EYA3: variants seen among roughly 807,000 people sequenced by gnomAD.
EYA3 encodes protein phosphatase EYA3.
EYA3 carries 39 observed loss-of-function variants against 80.0 expected under a neutral mutation model. The observed-to-expected ratio is 0.49, with a 90% CI of 0.38 to 0.64. EYA3 has a LOEUF of 0.64. Ranked by LOEUF, EYA3 falls within the 30% of genes least tolerant of loss-of-function variation. EYA3 has a pLI of 0.00. For synonymous variants in EYA3, 206 were observed against 232.8 expected, an observed-to-expected ratio of 0.88 and a Z score of 1.05; for missense variants, 523 against 676.1, an observed-to-expected ratio of 0.77 and a Z score of 2.51.
At chr1:28,010,539 C>T (rs1641617598) in intron 10 of EYA3, among the ~76,000 whole-genome samples, 1 of 152,014 alleles carries the variant, frequency 6.6e-6, no homozygotes, top group Non-Finnish European at 1.5e-5. Flanking sequence ...TACAGGTGTG[C>T]AGCTAATTCT....
intron 10 of EYA3, among the ~76,000 whole-genome samples, chr1:28,010,462 C>T (rs1356423766): frequency 6.6e-6 from 1 of 152,152 alleles, no homozygotes; most frequent in Admixed American, 6.5e-5. Flanking sequence ...CCGATCATAG[C>T]TCACTGCAGC....
chr1:28,003,343 C>G (rs1641031389), intron 11 of EYA3, among the ~76,000 whole-genome samples: 1 of 151,982 alleles, frequency 6.6e-6, no homozygotes, highest in Non-Finnish European at 1.5e-5. Context: ...GTAACGGGCA[C>G]CTGTAATCCT....
At chr1:28,050,184 A>T (rs1571897377) in intron 2 of EYA3, among the ~76,000 whole-genome samples, 2 of 132,310 alleles carry the variant, frequency 1.5e-5, no homozygotes, top group Non-Finnish European at 3.3e-5. Context: ...ATTTATTATT[A>T]TTATTATTAT....
At chr1:28,067,564 G>T (rs1644876946) in intron 1 of EYA3, among the ~76,000 whole-genome samples, 1 of 152,014 alleles carries the variant, frequency 6.6e-6, no homozygotes, top group African/African-American at 2.4e-5. Context: ...CAGTTTTGAG[G>T]GAAAAGCATT....
Position 27,972,538 on chromosome 1 carries a change from CTT to C in EYA3, c.*1926_*1927del, listed in dbSNP as rs934656975. 1 of 152,256 alleles carries C rather than the reference CTT, an allele frequency of 6.6e-6. No homozygotes were observed. Among genetic ancestry groups the C allele is most frequent in the Non-Finnish European group, 1.5e-5 (1 of 68,066 alleles). 9.4% of individuals were successfully genotyped at this position (152,256 alleles called of 1,614,324 possible). ...CCTGGCATTGGAAGGAGTCTTGCCT[CTT>C]TGTGCTGCAACATCTCTGGAAATGG... On this transcript the variant is annotated 3_prime_UTR_variant, in exon 18 of 18. Coordinates refer to ENST00000373871, the MANE Select transcript of EYA3 (RefSeq NM_001990.4).
rs1638767204 is a variant in EYA3 at position 27,972,424 on chromosome 1, T to C, written c.*2042A>G. ...CTGACTTCAGCTACTCAGCAAAAAC[T>C]TACTCCTTAAAATCACGAGTTATGA... On this transcript the variant is annotated 3_prime_UTR_variant, in exon 18 of 18. Transcript: ENST00000373871. 6.6e-6 allele frequency: 1 copy of C among 152,194 alleles called. No homozygotes were observed. Among genetic ancestry groups the C allele is most frequent in the Non-Finnish European group, 1.5e-5 (1 of 68,032 alleles). 9.4% of individuals were successfully genotyped at this position (152,194 alleles called of 1,614,324 possible).
At chr1:28,029,022 C>T (rs920741959) in intron 6 of EYA3, among the ~76,000 whole-genome samples, 10 of 152,138 alleles carry the variant, frequency 6.6e-5, no homozygotes, top group African/African-American at 1.9e-4. Context: ...CAGCCAAGGA[C>T]TGTGTTATAC....
At chr1:28,051,136 A>G (rs1477573310) in intron 2 of EYA3, among the ~76,000 whole-genome samples, 1 of 152,186 alleles carries the variant, frequency 6.6e-6, no homozygotes, top group African/African-American at 2.4e-5. Flanking sequence ...GCCAGGAAGT[A>G]AGAAAGCAAT....
chr1:28,043,329 T>TG (rs1299663324), intron 3 of EYA3, among the ~76,000 whole-genome samples: 2 of 82,878 alleles, frequency 2.4e-5, no homozygotes, highest in African/African-American at 5.5e-5. Context: ...TGCTTTTTTG[T>TG]GAAAAAAAAA....
chr1:28,080,570 T>A (rs905074857), intron 1 of EYA3, among the ~76,000 whole-genome samples: 1 of 152,080 alleles, frequency 6.6e-6, no homozygotes, highest in East Asian at 1.9e-4. Flanking sequence ...AATATTAATA[T>A]GTACATATAT....
chr1:28,010,195 A>T (rs751806096), intron 10 of EYA3, among the ~76,000 whole-genome samples: 4 of 152,166 alleles, frequency 2.6e-5, no homozygotes, highest in Non-Finnish European at 5.9e-5. Context: ...AAACAAAAAG[A>T]TAATACAAAA....
At chr1:28,007,758 G>A (rs866388833) in intron 10 of EYA3, among the ~76,000 whole-genome samples, 1 of 151,944 alleles carries the variant, frequency 6.6e-6, no homozygotes, top group Non-Finnish European at 1.5e-5. Flanking sequence ...CTAAATAAAC[G>A]GAAAGACATC....
intron 9 of EYA3, among the ~76,000 whole-genome samples, chr1:28,011,709 A>C (rs1641709822): frequency 2.0e-5 from 3 of 152,332 alleles, no homozygotes; most frequent in South Asian, 4.1e-4. Context: ...TTCAACAAAC[A>C]AACTACAAGG....
At chr1:28,036,400 C>T (rs981797982) in intron 5 of EYA3, among the ~76,000 whole-genome samples, 1 of 152,138 alleles carries the variant, frequency 6.6e-6, no homozygotes, top group Non-Finnish European at 1.5e-5. Flanking sequence ...TCCACCCTGC[C>T]CCTTGAACCA....
chr1:28,049,526 G>C (rs1374315486), intron 2 of EYA3, among the ~76,000 whole-genome samples: 2 of 152,108 alleles, frequency 1.3e-5, no homozygotes, highest in African/African-American at 2.4e-5. Flanking sequence ...AAATCCAAAA[G>C]CCATAAAGGA....
intron 3 of EYA3, among the ~76,000 whole-genome samples, chr1:28,043,330 G>GAAA (rs59720447): frequency 5.6e-5 from 7 of 125,128 alleles, no homozygotes; most frequent in African/African-American, 2.0e-4. Context: ...GCTTTTTTGT[G>GAAA]AAAAAAAAAA....
At chr1:28,020,424 A>G (rs1281265246) in intron 7 of EYA3, among the ~76,000 whole-genome samples, 5 of 152,324 alleles carry the variant, frequency 3.3e-5, no homozygotes, top group East Asian at 3.9e-4. Context: ...ATCAGGGTCA[A>G]CTATGTGCCT....
chr1:28,069,197 A>ACCT (rs1644935453), intron 1 of EYA3, among the ~76,000 whole-genome samples: 1 of 145,412 alleles, frequency 6.9e-6, no homozygotes. Context: ...TGCAACCTCC[A>ACCT]CCTCCTGGGT....
rs1387677873 is a variant in EYA3 at position 27,978,252 on chromosome 1, G to A, written c.1641+122C>T. On this transcript the variant is annotated intron_variant, in intron 17 of 17. Coordinates refer to ENST00000373871, the MANE Select transcript of EYA3 (RefSeq NM_001990.4). ...CCCTCTTTTTCTTTAAAGAAAAATG[G>A]GAGAGGAAGAAAGAGAAAATATTAT... is the stretch of plus-strand genomic sequence containing the variant. 4 of 675,884 alleles carry A rather than the reference G, an allele frequency of 5.9e-6. No homozygotes were observed. The East Asian group carries it at 8.7e-5, about 15-fold the overall frequency. 41.9% of individuals were successfully genotyped at this position (675,884 alleles called of 1,614,324 possible).
Sources: allele counts gnomAD v4.1 joint callset (sites outside exome capture counted in the v4.1 genomes callset), GRCh38; gene constraint gnomAD v4.1.1; transcripts MANE v1.5; gene names NCBI Gene and HGNC (gene_info 2026-07-23, HGNC 2026-07-21).